The following CSMD2 variants were observed in gnomAD, a reference collection of about 807,000 sequenced individuals.
CSMD2 encodes CUB and sushi domain-containing protein 2.
CSMD2 carries 130 observed loss-of-function variants against 398.5 expected under a neutral mutation model. The observed-to-expected ratio is 0.33, with a 90% CI of 0.28 to 0.38. CSMD2 has a LOEUF of 0.38. Among genes scored for constraint, CSMD2 ranks in the 10% least tolerant of loss-of-function variants. The pLI is 1.00. For missense variants in CSMD2, 3,829 were observed against 4,764.9 expected, an observed-to-expected ratio of 0.80 and a Z score of 5.78; for synonymous variants, 1,828 against 1,908.5, an observed-to-expected ratio of 0.96 and a Z score of 1.10.
chr1:33,644,867 A>C (rs1643327628), intron 29 of CSMD2, among the ~76,000 whole-genome samples: 1 of 152,090 alleles, frequency 6.6e-6, no homozygotes, highest in South Asian at 2.1e-4. Flanking sequence ...TGCCTGGAGG[A>C]AGAAAGGATG....
intron 19 of CSMD2, among the ~76,000 whole-genome samples, chr1:33,723,029 C>G (rs1034959673): frequency 6.6e-6 from 1 of 152,164 alleles, no homozygotes; most frequent in Non-Finnish European, 1.5e-5. Context: ...TAAAGTCTGT[C>G]TCTTTCTCAC....
chr1:33,995,020 C>A (rs1388918782), intron 3 of CSMD2, among the ~76,000 whole-genome samples: 1 of 151,542 alleles, frequency 6.6e-6, no homozygotes, highest in Non-Finnish European at 1.5e-5. Flanking sequence ...GCCAAGATCG[C>A]CCCACCGCAC....
chr1:33,800,991 AACG>A (rs1414186698), intron 10 of CSMD2, among the ~76,000 whole-genome samples: 2 of 50,014 alleles, frequency 4.0e-5, no homozygotes, highest in East Asian at 3.3e-3. Flanking sequence ...CAAATGGGCC[AACG>A]AGTATGTCCC....
chr1:33,571,437 C>T (rs910000721), intron 51 of CSMD2, 95 bp downstream of exon 51: 15 of 933,084 alleles, frequency 1.6e-5, no homozygotes, highest in South Asian at 4.4e-5. Flanking sequence ...CCTGGTGATA[C>T]CCCTTTTTCC....
chr1:33,792,301 A>G (rs1049277358), intron 11 of CSMD2, 122 bp downstream of exon 11: 4 of 720,554 alleles, frequency 5.6e-6, no homozygotes, highest in East Asian at 2.5e-5. Context: ...GAAACTAGGA[A>G]CATTGCAGGA....
chr1:33,608,759 CAG>C lies in CSMD2; in HGVS notation c.6343+2280_6343+2281del, dbSNP rs554894113. ...CCAGAAGCCAGGGGAGGGGCCCGGACAGAGTCTCCCTCATGGGCCTCAGAAGG... is the reference window on the plus strand; with the variant it reads ...CCAGAAGCCAGGGGAGGGGCCCGGACAGTCTCCCTCATGGGCCTCAGAAGG... On this transcript the variant is annotated intron_variant, in intron 41 of 70. Transcript: ENST00000373381. 2.1e-4 allele frequency among the ~76,000 whole-genome samples: 32 copies of C among 152,254 alleles called. No homozygotes were observed. In the South Asian group the frequency reaches 4.1e-3, roughly 20 times the overall value.
At chr1:33,915,358 C>T (rs1432240105) in intron 5 of CSMD2, among the ~76,000 whole-genome samples, 1 of 152,176 alleles carries the variant, frequency 6.6e-6, no homozygotes, top group South Asian at 2.1e-4. Flanking sequence ...CCCACACATA[C>T]GTCCTGAGTC....
intron 25 of CSMD2, among the ~76,000 whole-genome samples, chr1:33,663,778 C>T (rs1434457022): frequency 6.6e-6 from 1 of 152,160 alleles, no homozygotes; most frequent in Non-Finnish European, 1.5e-5. Flanking sequence ...ATTCCAACAG[C>T]CAAAGATACC....
At chr1:34,113,767 C>T (rs113363430) in intron 1 of CSMD2, among the ~76,000 whole-genome samples, 92 of 152,320 alleles carry the variant, frequency 6.0e-4, no homozygotes, top group Non-Finnish European at 1.0e-3. Context: ...TTACAGTACC[C>T]CAGGCAAGCT....
chr1:33,813,661 C>T (rs117957976), intron 9 of CSMD2, among the ~76,000 whole-genome samples: 1 of 152,270 alleles, frequency 6.6e-6, no homozygotes, highest in East Asian at 1.9e-4. Flanking sequence ...GGAGCTACCA[C>T]CTGGACCCAC....
chr1:33,560,865 C>G (rs1467579518), intron 53 of CSMD2, among the ~76,000 whole-genome samples: 2 of 152,206 alleles, frequency 1.3e-5, no homozygotes, highest in East Asian at 1.9e-4. Context: ...TAAATATTTG[C>G]TGAGTGAATC....
At position 34,089,102 on chromosome 1, in the gene CSMD2, C is replaced by T. The variant is rs144913200; in HGVS notation, c.279G>A (p.Thr93=). 247 of 1,614,166 alleles carry T rather than the reference C, an allele frequency of 1.5e-4. No homozygotes were observed. Among genetic ancestry groups the T allele is most frequent in the Admixed American group, 2.8e-4 (17 of 60,020 alleles). The change falls in exon 2 of 71, where the codon ACG becomes ACA. Residue 93 remains threonine (T), a synonymous_variant. Coordinates refer to ENST00000373381, the MANE Select transcript of CSMD2 (RefSeq NM_001281956.2). ...PYGYPNYANC[T]WTITAEEQHR... Reference sequence around the variant, plus strand: ...GCTGCTCTTCCGCGGTGATGGTCCACGTGCAGTTGGCGTAATTGGGGTAGC... The same window carrying T: ...GCTGCTCTTCCGCGGTGATGGTCCATGTGCAGTTGGCGTAATTGGGGTAGC...
At position 33,653,183 on chromosome 1, in the gene CSMD2, G is replaced by C. The variant is rs78552261; in HGVS notation, c.4448-722C>G. Among the ~76,000 whole-genome samples the C allele has an allele frequency of 6.3e-3, 955 of 152,334 alleles. 8 individuals carry two copies. Among genetic ancestry groups the C allele is most frequent in the African/African-American group, 0.022 (899 of 41,582 alleles). ...CATAAAAAGAGACAATATCTTCTCT[G>C]TGGGGTGGTTGTAAAGATTATTGGA... On this transcript the variant is annotated intron_variant, in intron 27 of 70. Coordinates refer to ENST00000373381, the MANE Select transcript of CSMD2 (RefSeq NM_001281956.2).
chr1:34,150,643 C>T (rs1182105480), intron 1 of CSMD2, among the ~76,000 whole-genome samples: 3 of 152,106 alleles, frequency 2.0e-5, no homozygotes, highest in African/African-American at 7.2e-5. Flanking sequence ...CCAGGGACTG[C>T]AGCTCACGCT....
intron 7 of CSMD2, among the ~76,000 whole-genome samples, chr1:33,821,528 A>G (rs910332988): frequency 5.9e-5 from 9 of 152,132 alleles, no homozygotes; most frequent in African/African-American, 2.2e-4. Context: ...GGGCATCTGG[A>G]CAGCATTCGG....
At chr1:33,690,948 A>T (rs1645217123) in intron 25 of CSMD2, among the ~76,000 whole-genome samples, 1 of 152,228 alleles carries the variant, frequency 6.6e-6, no homozygotes, top group African/African-American at 2.4e-5. Flanking sequence ...GAAGTTCAAA[A>T]GAGGCAGAAA....
intron 2 of CSMD2, among the ~76,000 whole-genome samples, chr1:34,073,926 T>C (rs1656024649): frequency 6.6e-6 from 1 of 152,156 alleles, no homozygotes; most frequent in South Asian, 2.1e-4. Flanking sequence ...CTCAGGAAAC[T>C]TACAATCACG....
intron 24 of CSMD2, among the ~76,000 whole-genome samples, chr1:33,695,132 C>A (rs1420464467): frequency 6.6e-6 from 1 of 152,044 alleles, no homozygotes; most frequent in African/African-American, 2.4e-5. Context: ...GGAAGGAGGG[C>A]ACTGCAGAGA....
chr1:33,966,646 A>T (rs990926600), intron 3 of CSMD2, among the ~76,000 whole-genome samples: 1 of 152,236 alleles, frequency 6.6e-6, no homozygotes, highest in Non-Finnish European at 1.5e-5. Context: ...GTTTTTAGCA[A>T]GAAAATAGAA....
Sources: gnomAD v4.1 joint callset for allele counts (sites outside exome capture counted in the v4.1 genomes callset) on GRCh38, gnomAD v4.1.1 for gene constraint, MANE v1.5 for transcripts, NCBI Gene and HGNC (gene_info 2026-07-23, HGNC 2026-07-21) for gene names.